Variants in HP1BP3 observed in about 807,000 individuals in gnomAD.
HP1BP3 encodes heterochromatin protein 1 binding protein 3, also known as heterochromatin protein 1-binding protein 3.
HP1BP3 carries 12 observed loss-of-function variants against 62.5 expected under a neutral mutation model. That is an observed-to-expected ratio of 0.19 (90% confidence interval 0.12 to 0.31). The LOEUF is 0.31. HP1BP3 is among the 10% of genes least tolerant of loss of function. The pLI, the probability that HP1BP3 is intolerant of heterozygous loss-of-function variation, is 1.00. For missense variants in HP1BP3, 502 were observed against 651.8 expected (o/e 0.77, Z 2.50); for synonymous variants, 260 against 237.8 (o/e 1.09, Z -0.86).
chr1:20,771,991 AACAAGTTGTATTAATATGGGTC>A (rs1362540381), intron 5 of HP1BP3, among the ~76,000 whole-genome samples: 1 of 152,212 alleles, frequency 6.6e-6, no homozygotes, highest in Non-Finnish European at 1.5e-5. Context: ...CACAACACGA[AACAAGTTGTATTAATATGGGTC>A]ATGTAATTCA....
intron 2 of HP1BP3, 150 bp downstream of exon 2, chr1:20,780,195 A>AAGGG: frequency 1.6e-6 from 1 of 636,172 alleles, no homozygotes; most frequent in African/African-American, 1.8e-5. Context: ...TTTGAGGGGA[A>AAGGG]AGGGAAGATG....
intron 10 of HP1BP3, among the ~76,000 whole-genome samples, chr1:20,749,459 T>C (rs1321959898): frequency 6.6e-6 from 1 of 151,750 alleles, no homozygotes; most frequent in Admixed American, 6.6e-5. Context: ...CCTGGGTTCA[T>C]GCGTTTCTCC....
intron 9 of HP1BP3, among the ~76,000 whole-genome samples, chr1:20,751,577 T>G (rs2055753156): frequency 6.6e-6 from 1 of 151,806 alleles, no homozygotes; most frequent in African/African-American, 2.4e-5. Flanking sequence ...ATAAAAAAAC[T>G]AGCTATGAAT....
intron 7 of HP1BP3, 59 bp from the exon 8 acceptor site, chr1:20,765,590 A>G (rs1570621532): frequency 1.5e-6 from 2 of 1,353,656 alleles, no homozygotes; most frequent in East Asian, 5.0e-5. Context: ...TCTACATACA[A>G]CTCAAGGGCT....
At chr1:20,785,283 T>G (rs1320600546) in intron 1 of HP1BP3, among the ~76,000 whole-genome samples, 1 of 152,254 alleles carries the variant, frequency 6.6e-6, no homozygotes, top group Non-Finnish European at 1.5e-5. Context: ...CAGTTTTAAT[T>G]TATTTCCTCT....
chr1:20,748,844 T>C (rs1274961348), intron 10 of HP1BP3, among the ~76,000 whole-genome samples: 2 of 152,194 alleles, frequency 1.3e-5, no homozygotes, highest in Non-Finnish European at 2.9e-5. Flanking sequence ...TTAATTTCCA[T>C]ATCCCTCACC....
intron 12 of HP1BP3, 111 bp from the exon 13 acceptor site, chr1:20,745,202 T>A: frequency 8.0e-7 from 1 of 1,242,966 alleles, no homozygotes; most frequent in Non-Finnish European, 1.1e-6. Flanking sequence ...TCACTTACGT[T>A]AAGAATAGGA....
In HP1BP3 at chr1:20,742,972, C is replaced by A. The variant is rs971403899; in HGVS notation, c.*1825G>T. 6.6e-6 allele frequency: 1 copy of A among 152,556 alleles called. No individual in the cohort carries two copies. Among genetic ancestry groups the A allele is most frequent in the Non-Finnish European group, 1.5e-5 (1 of 68,012 alleles). The allele number at this position is 152,556 out of a possible 1,614,324, so 9.5% of individuals were successfully genotyped here. A position where few individuals can be genotyped will look rare whatever the true frequency, so the allele number is the denominator to read the frequency against. On this transcript the variant is annotated 3_prime_UTR_variant, in exon 13 of 13. Transcript: ENST00000438032. ...AAGATGTACTTCAAAAACTTTAAGACAATTAAAATGTCAAGTGCCACAGGG... is the reference window on the plus strand; with the variant it reads ...AAGATGTACTTCAAAAACTTTAAGAAAATTAAAATGTCAAGTGCCACAGGG...
chr1:20,784,166 T>C (rs2057707701), intron 1 of HP1BP3, among the ~76,000 whole-genome samples: 1 of 152,088 alleles, frequency 6.6e-6, no homozygotes, highest in Non-Finnish European at 1.5e-5. Flanking sequence ...AACAGGGTTT[T>C]GCCATGTTGC....
At chr1:20,782,648 T>A (rs1189734066) in intron 1 of HP1BP3, among the ~76,000 whole-genome samples, 1 of 150,856 alleles carries the variant, frequency 6.6e-6, no homozygotes, top group Middle Eastern at 3.2e-3. Flanking sequence ...CACGCCTGTA[T>A]CTCAGCACTT....
intron 4 of HP1BP3, chr1:20,775,713 CAAAT>C: frequency 2.9e-6 from 1 of 348,520 alleles, no homozygotes; most frequent in Non-Finnish European, 5.1e-6. Flanking sequence ...TTTAAATACA[CAAAT>C]ACTTACCGTT....
chr1:20,746,186 A>ATATGTGTGTGTG lies in HP1BP3; in HGVS notation c.1254-531_1254-530insCACACACACATA, dbSNP rs1286650893. On this transcript the variant is annotated intron_variant, in intron 11 of 12. Transcript: ENST00000438032. Reference sequence around the variant, plus strand: ...CTTAAATGATAACATACATACATATATGTGTGTGTGTGTGTGTGTGTGTGT... The same window carrying ATATGTGTGTGTG: ...CTTAAATGATAACATACATACATATATATGTGTGTGTGTGTGTGTGTGTGTGTGTGTGTGTGT... 5.5e-3 allele frequency among the ~76,000 whole-genome samples: 788 copies of ATATGTGTGTGTG among 143,230 alleles called. 7 individuals are homozygous for ATATGTGTGTGTG. Among genetic ancestry groups the ATATGTGTGTGTG allele is most frequent in the East Asian group, 0.02 (95 of 4,818 alleles). The allele number at this position is 143,230 out of a possible 152,430, so 94.0% of individuals were successfully genotyped here.
At position 20,776,671 on chromosome 1, in the gene HP1BP3, C is replaced by T; in HGVS notation, c.276G>A (p.Glu92=). The T allele has an allele frequency of 6.2e-7, 1 of 1,614,002 alleles. No homozygotes were observed. The highest frequency in any genetic ancestry group is 8.5e-7 in the Non-Finnish European group (1 of 1,179,942). The part of the protein sequence containing the change: ...ENETPPATSS[E]AEQPKGEPEN... ...CAGGTTCCCCCTTTGGCTGCTCTGC[C>T]TCACTCGAAGTAGCAGGTGGAGTTT... Residue 92 remains glutamate, a synonymous_variant, in exon 4 of 13, where the codon GAG becomes GAA. Coordinates refer to ENST00000438032, the MANE Select transcript of HP1BP3 (RefSeq NM_001372052.1).
chr1:20,750,955 T>C (rs1376753930), intron 9 of HP1BP3, among the ~76,000 whole-genome samples: 1 of 151,274 alleles, frequency 6.6e-6, no homozygotes. Flanking sequence ...GTAGCTGGGA[T>C]TACAGGCGCC....
rs559407258 is a variant in HP1BP3, at chr1:20,754,427, T to C, written c.981+2739A>G. Among the ~76,000 whole-genome samples, 11 of 151,106 alleles carry C rather than the reference T, an allele frequency of 7.3e-5. No individual in the cohort carries two copies. The South Asian group carries it at 2.3e-3, about 32-fold the overall frequency. On this transcript the variant is annotated intron_variant, in intron 9 of 12. Transcript: ENST00000438032. ...CAGTGAGTCTCCCCAAATTGATCTA[T>C]AGGTTCAAGGCAATTCCTACCAAAA... is the stretch of plus-strand genomic sequence containing the variant.
intron 8 of HP1BP3, among the ~76,000 whole-genome samples, chr1:20,761,545 AAT>A (rs375272455): frequency 0.98 from 149,126 of 152,124 alleles, 73,147 homozygotes; most frequent in Middle Eastern, 1. Flanking sequence ...GGGATCATTA[AAT>A]GTTTTCAACA....
At chr1:20,747,420 A>T in intron 11 of HP1BP3, 124 bp downstream of exon 11, 2 of 648,748 alleles carry the variant, frequency 3.1e-6, no homozygotes, top group Non-Finnish European at 5.3e-6. Context: ...CCAATCCCCT[A>T]TATGTAACAA....
At chr1:20,772,326 ATT>A (rs979537585) in intron 5 of HP1BP3, among the ~76,000 whole-genome samples, 4 of 151,370 alleles carry the variant, frequency 2.6e-5, no homozygotes, top group African/African-American at 9.7e-5. Context: ...CCAAATTGAT[ATT>A]GTTTTAATTT....
At chr1:20,762,575 T>C (rs549148734) in intron 8 of HP1BP3, among the ~76,000 whole-genome samples, 10 of 152,264 alleles carry the variant, frequency 6.6e-5, no homozygotes, top group South Asian at 4.1e-4. Flanking sequence ...TTCAAGTCAT[T>C]CATCTGCTGA....
Sources: gnomAD v4.1 joint callset for allele counts (sites outside exome capture counted in the v4.1 genomes callset) on GRCh38, gnomAD v4.1.1 for gene constraint, MANE v1.5 for transcripts, NCBI Gene and HGNC (gene_info 2026-07-23, HGNC 2026-07-21) for gene names.